The following USP33 variants were observed in gnomAD, a reference collection of about 807,000 sequenced individuals.
USP33 encodes the protein ubiquitin carboxyl-terminal hydrolase 33.
Under a neutral mutation model 124.2 loss-of-function variants are expected in USP33, and 46 were observed. The ratio of observed to expected loss-of-function variants is 0.37; its 90% confidence interval spans 0.29 to 0.47. The LOEUF (loss-of-function observed/expected upper bound fraction) is 0.47, where lower values mean the gene tolerates loss of function less well. USP33 is among the 20% of genes least tolerant of loss of function. The pLI is 0.99. For missense variants in USP33, 851 were observed against 1,070.6 expected, an observed-to-expected ratio of 0.79 and a Z score of 2.86; for synonymous variants, 350 against 352.3, an observed-to-expected ratio of 0.99 and a Z score of 0.07.
At position 77,741,384 on chromosome 1, in the gene USP33, A is replaced by G; in HGVS notation, c.127T>C (p.Cys43Arg). Residue 43 changes from cysteine (C) to arginine (R), a missense_variant, in exon 3 of 24, where the codon TGT becomes CGT. By Grantham distance (180) the Cys-to-Arg change is radical (BLOSUM62 -3). Transcript: ENST00000370794. ...AAAAAACATATACACACCTCCAGAC[A>G]TGCCCAAAGATTTGGTCCTTGGACT... ...CKVQGPNLWACLENRCSYVGC... is the reference protein window; with the variant it reads ...CKVQGPNLWARLENRCSYVGC... 6.2e-7 allele frequency: 1 copy of G among 1,608,486 alleles called. No homozygotes were observed. Among genetic ancestry groups the G allele is most frequent in the South Asian group, 1.1e-5 (1 of 89,496 alleles).
intron 7 of USP33, among the ~76,000 whole-genome samples, chr1:77,732,817 G>C (rs1353646054): frequency 7.7e-6 from 1 of 129,202 alleles, no homozygotes; most frequent in African/African-American, 3.0e-5. Flanking sequence ...TTTTTTTGAC[G>C]GAGTCTCACA....
chr1:77,741,454 A>G (rs12733153), intron 2 of USP33, 25 bp from the exon 3 acceptor site: 3 of 1,594,142 alleles, frequency 1.9e-6, no homozygotes, highest in Non-Finnish European at 1.7e-6. Context: ...TAAAAAGACA[A>G]CATTGGTTAT....
At chr1:77,731,850 T>C (rs1677854260) in intron 7 of USP33, among the ~76,000 whole-genome samples, 1 of 152,172 alleles carries the variant, frequency 6.6e-6, no homozygotes, top group South Asian at 2.1e-4. Context: ...ATGCCTGTAA[T>C]TCCAATACTT....
chr1:77,728,603 A>G lies in USP33; in HGVS notation c.827T>C (p.Met276Thr), dbSNP rs778496908. ...ATCCGACTGGCTCTTGTCTTCTTCC[A>G]TTGTCTCCTCAGTGGTTATGGTTTG... ...DPQTITTEET[M>T]EEDKSQSDVD... The change falls in exon 10 of 24, where the codon ATG (methionine) becomes ACG (threonine). Residue 276 changes from methionine (M) to threonine (T), a missense_variant. Around this residue, in one of 4 missense-constraint regions of USP33, gnomAD observed 207 missense variants for 200.9 expected, o/e 1.03. Transcript: ENST00000370794. 2 of 1,614,102 alleles carry G rather than the reference A, an allele frequency of 1.2e-6. No homozygotes were observed. The highest frequency in any genetic ancestry group is 4.5e-5 in the East Asian group (2 of 44,872).
chr1:77,729,913 G>A lies in USP33; in HGVS notation c.664C>T (p.Leu222=), dbSNP rs370940477. Residue 222 remains leucine, a synonymous_variant, in exon 9 of 24, where the codon CTG becomes TTG. Transcript: ENST00000370794. ...SRPGSVVPTT[L]FQGIKTVNPT... ...TTTACAGTTTTAATTCCTTGAAACA[G>A]AGTAGTAGGCACAACAGATCCTGGC... 2.0e-5 allele frequency: 33 copies of A among 1,613,678 alleles called. No individual in the cohort carries two copies. The highest frequency in any genetic ancestry group is 1.6e-4 in the South Asian group (15 of 91,036).
chr1:77,717,783 G>A lies in USP33; in HGVS notation c.1918+84C>T, dbSNP rs556178871. On this transcript the variant is annotated intron_variant, in intron 17 of 23. Coordinates refer to ENST00000370794, the MANE Select transcript of USP33 (RefSeq NM_201624.3). ...CCCACCTCATTCTCCCAAAAGGCTG[G>A]TATTACAGGTATGAGCCACCACGCC... 8.1e-5 allele frequency: 102 copies of A among 1,254,656 alleles called. No individual in the cohort carries two copies. The African/African-American group carries it at 1.4e-3, about 18-fold the overall frequency. The allele number at this position is 1,254,656 out of a possible 1,614,324, so 77.7% of individuals were successfully genotyped here.
chr1:77,726,138 T>A (rs762254882), intron 10 of USP33, among the ~76,000 whole-genome samples: 1 of 152,106 alleles, frequency 6.6e-6, no homozygotes, highest in African/African-American at 2.4e-5. Context: ...TTAGTAGAGA[T>A]GGGGTTTCAC....
rs754194287 is a variant in USP33 at position 77,730,687 on chromosome 1, C to T, written c.569G>A (p.Arg190Gln). 21 of 1,593,490 alleles carry T rather than the reference C, an allele frequency of 1.3e-5. No homozygotes were observed. The East Asian group carries it at 2.9e-4, about 22-fold the overall frequency. The change falls in exon 8 of 24, where the codon CGA becomes CAA. Residue 190 changes from arginine to glutamine, a missense_variant. By Grantham distance (43) the Arg-to-Gln change is conservative. Coordinates refer to ENST00000370794, the MANE Select transcript of USP33 (RefSeq NM_201624.3). ...QFFLDCGGLA[R>Q]TDKKPAICKS... ...ACAAATGGCAGGTTTCTTATCTGTT[C>T]GAGCTAGTCCTCCACAATCAAGAAA...
intron 1 of USP33, among the ~76,000 whole-genome samples, chr1:77,752,009 G>T (rs1439909330): frequency 6.6e-6 from 1 of 151,576 alleles, no homozygotes; most frequent in African/African-American, 2.4e-5. Context: ...CTTTTAAGGG[G>T]AGAATATTTT....
At position 77,697,294 on chromosome 1, in the gene USP33, T is replaced by G; in HGVS notation, c.*23A>C. ...AGGGCACATGAAAATGATTCCTCAT[T>G]AGAACTCTCTACATCCTAAAAATTA... On this transcript the variant is annotated 3_prime_UTR_variant, in exon 24 of 24. Coordinates refer to ENST00000370794, the MANE Select transcript of USP33 (RefSeq NM_201624.3). The G allele has an allele frequency of 6.4e-7, 1 of 1,569,996 alleles. No homozygotes were observed. Among genetic ancestry groups the G allele is most frequent in the Non-Finnish European group, 8.6e-7 (1 of 1,160,928 alleles).
At chr1:77,758,688 A>G (rs919338118) in intron 1 of USP33, among the ~76,000 whole-genome samples, 1 of 152,224 alleles carries the variant, frequency 6.6e-6, no homozygotes, top group African/African-American at 2.4e-5. Context: ...ACCTTTCCAA[A>G]TAAGACAGTA....
chr1:77,722,238 C>CCA, intron 12 of USP33, 42 bp from the exon 13 acceptor site: 1 of 1,500,334 alleles, frequency 6.7e-7, no homozygotes, highest in Admixed American at 2.1e-5. Flanking sequence ...GAACATAATG[C>CCA]AGTAAAACAT....
At chr1:77,739,118 CTTTA>C (rs1326478081) in intron 5 of USP33, 143 bp downstream of exon 5, 11 of 905,916 alleles carry the variant, frequency 1.2e-5, no homozygotes, top group Admixed American at 2.9e-5. Flanking sequence ...AGTCTGAGTG[CTTTA>C]TTTGAGAGAA....
At chr1:77,712,758 T>C (rs1254399282) in intron 20 of USP33, among the ~76,000 whole-genome samples, 2 of 151,700 alleles carry the variant, frequency 1.3e-5, no homozygotes, top group Non-Finnish European at 2.9e-5. Flanking sequence ...CTAGGCAGGC[T>C]GAAGTGAGAG....
At chr1:77,751,774 C>T (rs1236945695) in intron 1 of USP33, among the ~76,000 whole-genome samples, 1 of 151,814 alleles carries the variant, frequency 6.6e-6, no homozygotes, top group Non-Finnish European at 1.5e-5. Flanking sequence ...CTGCAAGCTC[C>T]ACCTCCCGGG....
At chr1:77,735,902 T>G (rs1678388894) in intron 6 of USP33, among the ~76,000 whole-genome samples, 154 bp downstream of exon 6, 1 of 152,220 alleles carries the variant, frequency 6.6e-6, no homozygotes, top group Non-Finnish European at 1.5e-5. Context: ...AAAGTTTGTT[T>G]TGCAAATAAA....
chr1:77,721,941 T>C lies in USP33; in HGVS notation c.1563-16A>G, dbSNP rs1416315170. 1.2e-6 allele frequency: 2 copies of C among 1,601,250 alleles called. No individual in the cohort carries two copies. The highest frequency in any genetic ancestry group is 1.1e-5 in the South Asian group (1 of 88,300). On this transcript the variant is annotated splice_polypyrimidine_tract_variant and intron_variant, in intron 13 of 23. Coordinates refer to ENST00000370794, the MANE Select transcript of USP33 (RefSeq NM_201624.3). ...GACAACAAACCTGAAACATCATTGA[T>C]AGAAAAAAAAGGAAGTGTTCTGCCA...
chr1:77,721,783 T>C, intron 14 of USP33, 48 bp downstream of exon 14: 1 of 1,523,752 alleles, frequency 6.6e-7, no homozygotes, highest in East Asian at 2.4e-5. Context: ...CCCACTAGTA[T>C]TTTAGATTTA....
chr1:77,712,587 T>C (rs1675383433), intron 20 of USP33, among the ~76,000 whole-genome samples: 2 of 152,126 alleles, frequency 1.3e-5, no homozygotes, highest in Non-Finnish European at 2.9e-5. Flanking sequence ...CCCAATACTT[T>C]GGACTTTGGG....
Sources: allele counts gnomAD v4.1 joint callset (sites outside exome capture counted in the v4.1 genomes callset), GRCh38; gene constraint gnomAD v4.1.1; regional missense constraint gnomAD v4.1.1; transcripts MANE v1.5; gene names NCBI Gene and HGNC (gene_info 2026-07-23, HGNC 2026-07-21).